Variants in RARS2 observed in about 807,000 individuals in gnomAD.
RARS2 encodes the protein probable arginine--tRNA ligase, mitochondrial.
In RARS2, 67 loss-of-function variants were observed where a neutral mutation model predicts 88.5. The observed-to-expected ratio is 0.76, with a 90% CI of 0.62 to 0.93. RARS2 has a LOEUF of 0.93. RARS2 is among the 40% of genes least tolerant of loss of function. The pLI is 0.00. For synonymous variants in RARS2, 239 were observed against 230.3 expected (o/e 1.04, Z -0.34); for missense variants, 664 against 684.2 (o/e 0.97, Z 0.33).
intron 4 of RARS2, among the ~76,000 whole-genome samples, chr6:87,560,637 G>A (rs1023893952): frequency 2.0e-5 from 3 of 152,130 alleles, no homozygotes; most frequent in South Asian, 2.1e-4. Flanking sequence ...GGTGGCTCAC[G>A]CCTGTAATGC....
intron 4 of RARS2, among the ~76,000 whole-genome samples, chr6:87,560,598 C>T (rs1002656413): frequency 1.3e-5 from 2 of 152,106 alleles, no homozygotes; most frequent in South Asian, 2.1e-4. Context: ...CTGAAAAATC[C>T]ATTAAATATG....
chr6:87,564,414 CT>C (rs1472764037), intron 2 of RARS2, 182 bp from the exon 3 acceptor site: 2 of 590,168 alleles, frequency 3.4e-6, no homozygotes, highest in Non-Finnish European at 6.1e-6. Context: ...AATCCCAGCA[CT>C]TTGGGAGGCT....
chr6:87,576,907 A>T (rs758151107), intron 1 of RARS2, among the ~76,000 whole-genome samples: 2 of 152,226 alleles, frequency 1.3e-5, no homozygotes, highest in Non-Finnish European at 2.9e-5. Flanking sequence ...TTGTAGTCAC[A>T]TTAAATCACA....
chr6:87,533,508 G>A lies in RARS2; in HGVS notation c.613-2566C>T, dbSNP rs184977175. ...TTTTAAGGCTAAATTTAGACACAAAGAGATAAAAAGGCAATTTTAAATTTG... is the reference window on the plus strand; with the variant it reads ...TTTTAAGGCTAAATTTAGACACAAAAAGATAAAAAGGCAATTTTAAATTTG... On this transcript the variant is annotated intron_variant, in intron 8 of 19. Transcript: ENST00000369536. 5.9e-5 allele frequency among the ~76,000 whole-genome samples: 9 copies of A among 152,248 alleles called. 1 individual carries two copies. Among genetic ancestry groups the A allele is most frequent in the African/African-American group, 9.6e-5 (4 of 41,566 alleles).
chr6:87,526,805 G>C (rs1775887705), intron 10 of RARS2, among the ~76,000 whole-genome samples: 1 of 151,442 alleles, frequency 6.6e-6, no homozygotes, highest in Admixed American at 6.6e-5. Flanking sequence ...CAAGTAGCTG[G>C]GATTACAGGC....
At chr6:87,574,410 C>T (rs895460514) in intron 1 of RARS2, among the ~76,000 whole-genome samples, 7 of 152,060 alleles carry the variant, frequency 4.6e-5, no homozygotes, top group Non-Finnish European at 8.8e-5. Flanking sequence ...TTTGCAACCA[C>T]AAAGGTGAGG....
intron 1 of RARS2, among the ~76,000 whole-genome samples, chr6:87,570,737 T>C (rs1769411953): frequency 6.6e-6 from 1 of 152,094 alleles, no homozygotes. Context: ...TTATTTCTTA[T>C]AGAGACAGTC....
chr6:87,522,686 T>C (rs1292341707), intron 11 of RARS2, among the ~76,000 whole-genome samples: 1 of 152,180 alleles, frequency 6.6e-6, no homozygotes, highest in Non-Finnish European at 1.5e-5. Flanking sequence ...AAATGGGGTA[T>C]CATCATGTTG....
chr6:87,530,834 A>T lies in RARS2; in HGVS notation c.721T>A (p.Trp241Arg). The T allele has an allele frequency of 6.2e-7, 1 of 1,614,202 alleles. No individual in the cohort carries two copies. Among genetic ancestry groups the T allele is most frequent in the Non-Finnish European group, 8.5e-7 (1 of 1,180,018 alleles). Residue 241 changes from tryptophan (W) to arginine (R), a missense_variant, in exon 9 of 20, where the codon TGG (tryptophan) becomes AGG (arginine). Trp to Arg is a moderately radical substitution (Grantham distance 101, BLOSUM62 -3). Transcript: ENST00000369536. Reference sequence around the variant, plus strand: ...ATGCTCAAGTCCCGAAATTTTTGCCACAGTGAAAGTGCTTGCACATCGCCC... The same window carrying T: ...ATGCTCAAGTCCCGAAATTTTTGCCTCAGTGAAAGTGCTTGCACATCGCCC... ...ELGDVQALSL[W>R]QKFRDLSIEE...
At chr6:87,516,727 T>C in intron 18 of RARS2, 79 bp downstream of exon 18, 1 of 1,579,576 alleles carries the variant, frequency 6.3e-7, no homozygotes, top group Non-Finnish European at 8.6e-7. Context: ...GGCCAAGGAA[T>C]TTGTTTACAG....
rs973983987 is a variant in RARS2, at chr6:87,562,882, A to C, written c.214-97T>G. The C allele has an allele frequency of 8.3e-5, 75 of 898,782 alleles. 2 individuals are homozygous for C. In the South Asian group the frequency reaches 9.5e-4, roughly 11 times the overall value. The allele number at this position is 898,782 out of a possible 1,614,324, so 55.7% of individuals were successfully genotyped here. ...ATTTTTGGCTTACAAAGACACAAGTAAGTCATCTTTCATGGTCCCTATATC... is the reference window on the plus strand; with the variant it reads ...ATTTTTGGCTTACAAAGACACAAGTCAGTCATCTTTCATGGTCCCTATATC... On this transcript the variant is annotated intron_variant, in intron 3 of 19. Coordinates refer to ENST00000369536, the MANE Select transcript of RARS2 (RefSeq NM_020320.5).
rs776759952 is a variant in RARS2 at position 87,524,568 on chromosome 6, G to A, written c.963C>T (p.Leu321=). The A allele has an allele frequency of 6.2e-7, 1 of 1,609,964 alleles. No individual in the cohort carries two copies. The highest frequency in any genetic ancestry group is 8.5e-7 in the Non-Finnish European group (1 of 1,176,308). Residue 321 remains leucine (L), a synonymous_variant, in exon 11 of 20, where the codon CTC becomes CTT. Coordinates refer to ENST00000369536, the MANE Select transcript of RARS2 (RefSeq NM_020320.5). ...CTVMRSDGTS[L]YATRDLAAAI... ...CAGAGGCTACAAACCTGGTTGCATAGAGAGAAGTCCCATCACTTCGCATTA... is the reference window on the plus strand; with the variant it reads ...CAGAGGCTACAAACCTGGTTGCATAAAGAGAAGTCCCATCACTTCGCATTA...
intron 12 of RARS2, 22 bp downstream of exon 12, chr6:87,521,442 A>G: frequency 6.4e-7 from 1 of 1,554,770 alleles, no homozygotes; most frequent in Non-Finnish European, 8.9e-7. Flanking sequence ...AGAGATCATA[A>G]CTTTTTGTTC....
At chr6:87,524,313 T>C (rs1028466952) in intron 11 of RARS2, among the ~76,000 whole-genome samples, 5 of 152,342 alleles carry the variant, frequency 3.3e-5, no homozygotes, top group Non-Finnish European at 7.3e-5. Context: ...TTTATGTGCA[T>C]GTAAGATGTT....
At chr6:87,532,057 C>T (rs1478038642) in intron 8 of RARS2, among the ~76,000 whole-genome samples, 1 of 152,096 alleles carries the variant, frequency 6.6e-6, no homozygotes, top group African/African-American at 2.4e-5. Flanking sequence ...TGCTGGAGGA[C>T]ACATTGGCTT....
chr6:87,527,377 A>G (rs1287966188), intron 10 of RARS2, among the ~76,000 whole-genome samples: 1 of 152,190 alleles, frequency 6.6e-6, no homozygotes, highest in Non-Finnish European at 1.5e-5. Flanking sequence ...CCATATGCAG[A>G]AGAATAAAAC....
Position 87,519,000 on chromosome 6 carries a change from TTCAGAA to T in RARS2, c.1238-115_1238-110del, listed in dbSNP as rs1192961438. The T allele has an allele frequency of 7.5e-6, 8 of 1,065,366 alleles. No homozygotes were observed. The East Asian group carries it at 1.7e-4, about 22-fold the overall frequency. The allele number at this position is 1,065,366 out of a possible 1,614,324, so 66.0% of individuals were successfully genotyped here. ...ATGTATGCTGACAATCAAGAACAGA[TTCAGAA>T]TGAGTAATTACTTGCCTAATTTAGG... On this transcript the variant is annotated intron_variant, in intron 14 of 19. Coordinates refer to ENST00000369536, the MANE Select transcript of RARS2 (RefSeq NM_020320.5).
intron 2 of RARS2, among the ~76,000 whole-genome samples, chr6:87,567,238 C>A (rs918920885): frequency 7.9e-6 from 1 of 127,380 alleles, no homozygotes; most frequent in Admixed American, 8.5e-5. Context: ...GGTGACAGAG[C>A]AAGATTCCGC....
At chr6:87,569,939 A>C (rs1444064106) in intron 1 of RARS2, among the ~76,000 whole-genome samples, 3 of 152,110 alleles carry the variant, frequency 2.0e-5, no homozygotes, top group Non-Finnish European at 4.4e-5. Context: ...ACCACTGAGA[A>C]TCCACAGATA....
Sources: gnomAD v4.1 joint callset for allele counts (sites outside exome capture counted in the v4.1 genomes callset) on GRCh38, gnomAD v4.1.1 for gene constraint, MANE v1.5 for transcripts, NCBI Gene and HGNC (gene_info 2026-07-23, HGNC 2026-07-21) for gene names.